Variants in EMC1 observed in about 807,000 individuals in gnomAD.
The protein encoded by EMC1 is ER membrane protein complex subunit 1.
EMC1 carries 103 observed loss-of-function variants against 128.8 expected under a neutral mutation model. That is an observed-to-expected ratio of 0.80 (90% CI 0.68 to 0.94). The LOEUF (loss-of-function observed/expected upper bound fraction) is 0.94. EMC1 is among the 40% of genes least tolerant of loss of function. The probability of loss-of-function intolerance (pLI) is 0.00; values close to 1 mark genes in which losing one functional copy is unlikely to be tolerated. For synonymous variants in EMC1, 442 were observed against 490.4 expected (o/e 0.90, Z 1.30); for missense variants, 1,083 against 1,250.6 (o/e 0.87, Z 2.02).
intron 7 of EMC1, 81 bp from the exon 8 acceptor site, chr1:19,240,066 C>G: frequency 7.0e-7 from 1 of 1,433,680 alleles, no homozygotes; most frequent in Non-Finnish European, 9.4e-7. Flanking sequence ...CTCTGCCCTA[C>G]TTTGCCGGGG....
At chr1:19,231,135 G>A in intron 16 of EMC1, 126 bp downstream of exon 16, 2 of 1,327,346 alleles carry the variant, frequency 1.5e-6, no homozygotes, top group Non-Finnish European at 1.0e-6. Context: ...TTCTCTTCGG[G>A]ATGGCCTTAG....
chr1:19,243,387 C>T (rs1388680236), intron 4 of EMC1, among the ~76,000 whole-genome samples: 1 of 152,196 alleles, frequency 6.6e-6, no homozygotes, highest in African/African-American at 2.4e-5. Context: ...AAATTAGGAA[C>T]AGCATTCAAG....
At chr1:19,219,531 A>G in intron 22 of EMC1, 38 bp downstream of exon 22, 3 of 1,613,978 alleles carry the variant, frequency 1.9e-6, no homozygotes, top group Admixed American at 1.7e-5. Context: ...CCAATGATCC[A>G]CCAAGGGTGA....
intron 13 of EMC1, 30 bp from the exon 14 acceptor site, chr1:19,233,165 C>T (rs1370202995): frequency 1.3e-6 from 2 of 1,585,594 alleles, no homozygotes; most frequent in Non-Finnish European, 1.7e-6. Context: ...ACATACTCTA[C>T]ATCAGACTAG....
chr1:19,225,462 C>T lies in EMC1; in HGVS notation c.2202+1851G>A, dbSNP rs544632188. 2.6e-5 allele frequency among the ~76,000 whole-genome samples: 4 copies of T among 152,238 alleles called. No homozygotes were observed. The South Asian group carries it at 6.2e-4, about 24-fold the overall frequency. On this transcript the variant is annotated intron_variant, in intron 18 of 22. Transcript: ENST00000477853. ...ATCAAGAGATCAAGACCATCCTGGC[C>T]AACATGGTGAAACCCCATCTCTAAA...
chr1:19,232,413 T>C (rs2093530464), intron 15 of EMC1, among the ~76,000 whole-genome samples: 1 of 152,218 alleles, frequency 6.6e-6, no homozygotes. Context: ...GCTCCCTACA[T>C]AGCTGGTGAA....
At position 19,227,326 on chromosome 1, in the gene EMC1, C is replaced by T; in HGVS notation, c.2189G>A (p.Ser730Asn). Residue 730 changes from serine to asparagine, a missense_variant, in exon 18 of 23, where the codon AGT (serine) becomes AAT (asparagine). Around this residue, in one of 3 missense-constraint regions of EMC1, gnomAD observed 527 missense variants for 644.1 expected, o/e 0.82. Coordinates refer to ENST00000477853, the MANE Select transcript of EMC1 (RefSeq NM_015047.3). ...GGCTGTATGTACCTTGTAGAGCACACTGCGGTCCCCCATCACACGGCCCTG... is the reference window on the plus strand; with the variant it reads ...GGCTGTATGTACCTTGTAGAGCACATTGCGGTCCCCCATCACACGGCCCTG... ...HSQGRVMGDR[S>N]VLYKSLNPNL... is the part of the protein sequence containing the mutation. 1.2e-6 allele frequency: 2 copies of T among 1,614,156 alleles called. No individual in the cohort carries two copies. The highest frequency in any genetic ancestry group is 8.5e-7 in the Non-Finnish European group (1 of 1,179,982).
chr1:19,235,044 A>C, intron 13 of EMC1, 86 bp downstream of exon 13: 976 of 1,433,114 alleles, frequency 6.8e-4, no homozygotes, highest in Non-Finnish European at 8.4e-4. Context: ...CTAGGAAGCC[A>C]GAGATGCATG....
intron 12 of EMC1, 56 bp downstream of exon 12, chr1:19,237,086 G>A: frequency 8.0e-7 from 1 of 1,251,946 alleles, no homozygotes; most frequent in African/African-American, 1.5e-5. Flanking sequence ...AGTCTGATTG[G>A]AACACATTGG....
intron 16 of EMC1, 98 bp from the exon 17 acceptor site, chr1:19,231,061 T>G: frequency 6.7e-7 from 1 of 1,487,132 alleles, no homozygotes; most frequent in South Asian, 1.2e-5. Flanking sequence ...TTGAACTCAG[T>G]TTAGGGTTTA....
chr1:19,226,701 A>G (rs1282307609), intron 18 of EMC1, among the ~76,000 whole-genome samples: 1 of 150,586 alleles, frequency 6.6e-6, no homozygotes, highest in African/African-American at 2.4e-5. Context: ...GACCACAGGC[A>G]TGCACCACCA....
chr1:19,219,162 G>A lies in EMC1; in HGVS notation c.*141C>T, dbSNP rs572909059. 8 of 761,254 alleles carry A rather than the reference G, an allele frequency of 1.1e-5. No individual in the cohort carries two copies. Among genetic ancestry groups the A allele is most frequent in the Middle Eastern group, 3.9e-4 (1 of 2,554 alleles). The allele number at this position is 761,254 out of a possible 1,614,324, so 47.2% of individuals were successfully genotyped here. ...GTATATCCCAAAAGGAGTTCTGCGT[G>A]AAGGTCATCCATCTTCCCTACAGTT... On this transcript the variant is annotated 3_prime_UTR_variant, in exon 23 of 23. Coordinates refer to ENST00000477853, the MANE Select transcript of EMC1 (RefSeq NM_015047.3).
Position 19,242,918 on chromosome 1 carries a change from G to C in EMC1, c.381-445C>G, listed in dbSNP as rs573118463. On this transcript the variant is annotated intron_variant, in intron 4 of 22. Transcript: ENST00000477853. ...TGAATTACTATCAGAAAATGTATAA[G>C]CTAATACAAATGACCCTATCATTTG... Among the ~76,000 whole-genome samples the C allele has an allele frequency of 1.1e-4, 16 of 152,306 alleles. No individual in the cohort carries two copies. The South Asian group carries it at 1.4e-3, about 14-fold the overall frequency.
chr1:19,237,318 C>G (rs1428958501), intron 11 of EMC1, 80 bp from the exon 12 acceptor site: 2 of 952,054 alleles, frequency 2.1e-6, no homozygotes, highest in African/African-American at 3.2e-5. Flanking sequence ...GAGTCAAAGC[C>G]TGGACTTAAC....
Position 19,231,417 on chromosome 1 carries a change from C to G in EMC1, c.1788G>C (p.Ser596=). The G allele has an allele frequency of 6.2e-7, 1 of 1,611,740 alleles. No individual in the cohort carries two copies. Among genetic ancestry groups the G allele is most frequent in the South Asian group, 1.1e-5 (1 of 90,686 alleles). The change falls in exon 16 of 23, where the codon TCG becomes TCC. Residue 596 remains serine, a synonymous_variant. Transcript: ENST00000477853. ...TGAAGACATACAGAGAACTCATTCC[C>G]GACTCCTAAAATGAGCAAACTGTCA... The part of the protein sequence containing the change: ...QCTLLVKDKE[S]GMSSLYVFNP...
At position 19,218,415 on chromosome 1, in the gene EMC1, A is replaced by C. The variant is rs1442607772; in HGVS notation, c.*888T>G. 6 of 152,256 alleles carry C rather than the reference A, an allele frequency of 3.9e-5. No individual in the cohort carries two copies. The highest frequency in any genetic ancestry group is 5.9e-5 in the Non-Finnish European group (4 of 68,042). 9.4% of individuals were successfully genotyped at this position (152,256 alleles called of 1,614,324 possible). On this transcript the variant is annotated 3_prime_UTR_variant, in exon 23 of 23. Transcript: ENST00000477853. ...TGACCCACATGTTAATTTATATTAA[A>C]AACTAAAAATAAATAATGGGGTTCT...
chr1:19,221,019 G>A (rs1485728492), intron 20 of EMC1, 171 bp from the exon 21 acceptor site: 2 of 481,626 alleles, frequency 4.2e-6, no homozygotes, highest in East Asian at 6.6e-5. Context: ...GGGTCTGAAT[G>A]AAGGTTCTCA....
chr1:19,235,171 C>G lies in EMC1; in HGVS notation c.1391G>C (p.Gly464Ala). The change falls in exon 13 of 23, where the codon GGG becomes GCG. Residue 464 changes from glycine to alanine, a missense_variant. Gly to Ala is a moderately conservative substitution (Grantham distance 60, BLOSUM62 0). Around this residue, in one of 3 missense-constraint regions of EMC1, gnomAD observed 544 missense variants for 572.4 expected, o/e 0.95. Transcript: ENST00000477853. ...TTCTCCTTCCAGCTCGGCCTGTGCC[C>G]CAGTCAGGGGGAGGTCCACCATCTC... ...CLEMVDLPLT[G>A]AQAELEGEFG... is the part of the protein sequence containing the mutation. The G allele has an allele frequency of 6.2e-7, 1 of 1,614,080 alleles. No homozygotes were observed. The highest frequency in any genetic ancestry group is 8.5e-7 in the Non-Finnish European group (1 of 1,179,962).
At chr1:19,247,796 G>A (rs1343722741) in intron 1 of EMC1, among the ~76,000 whole-genome samples, 3 of 152,110 alleles carry the variant, frequency 2.0e-5, no homozygotes, top group African/African-American at 7.2e-5. Context: ...AGGCGGAGGC[G>A]AGCAGATCAC....
Sources: gnomAD v4.1 joint callset for allele counts (sites outside exome capture counted in the v4.1 genomes callset) on GRCh38, gnomAD v4.1.1 for gene constraint, gnomAD v4.1.1 regional missense constraint, MANE v1.5 for transcripts, NCBI Gene and HGNC (gene_info 2026-07-23, HGNC 2026-07-21) for gene names.